PDE7B: variants seen among roughly 807,000 people sequenced by gnomAD.
The protein encoded by PDE7B is 3',5'-cyclic-AMP phosphodiesterase 7B.
A neutral mutation model predicts 56.2 loss-of-function variants in PDE7B; 29 were observed. The observed-to-expected ratio is 0.52, with a 90% CI of 0.38 to 0.70. The LOEUF (loss-of-function observed/expected upper bound fraction) is 0.70. Among genes scored for constraint, PDE7B ranks in the 30% least tolerant of loss-of-function variants. The pLI, the probability that PDE7B is intolerant of heterozygous loss-of-function variation, is 0.00. For missense variants in PDE7B, 490 were observed against 565.0 expected (o/e 0.87, Z 1.35); for synonymous variants, 197 against 196.9 (o/e 1.00, Z 0.00).
intron 5 of PDE7B, among the ~76,000 whole-genome samples, chr6:136,150,669 A>C (rs1048726740): frequency 6.6e-6 from 1 of 152,224 alleles, no homozygotes; most frequent in African/African-American, 2.4e-5. Flanking sequence ...TGCTGACTTG[A>C]ATTCTAAAAT....
At chr6:136,090,539 G>A (rs143443371) in intron 2 of PDE7B, among the ~76,000 whole-genome samples, 36 of 152,200 alleles carry the variant, frequency 2.4e-4, no homozygotes, top group Admixed American at 5.2e-4. Flanking sequence ...TAATGTCATC[G>A]ATAAATATTT....
intron 2 of PDE7B, among the ~76,000 whole-genome samples, chr6:135,964,100 T>C (rs1397799580): frequency 1.3e-5 from 2 of 149,948 alleles, no homozygotes; most frequent in Admixed American, 1.3e-4. Flanking sequence ...TTTTCTGGGT[T>C]TTTTTTTTCT....
chr6:136,142,393 A>G (rs913596924), intron 3 of PDE7B, among the ~76,000 whole-genome samples: 3 of 152,102 alleles, frequency 2.0e-5, no homozygotes, highest in African/African-American at 7.2e-5. Context: ...TGAATTTTGG[A>G]ATAGGTGTGG....
chr6:135,898,973 G>A (rs7760469), intron 1 of PDE7B, among the ~76,000 whole-genome samples: 15,152 of 152,070 alleles, frequency 0.1, 1,632 homozygotes, highest in African/African-American at 0.27. Flanking sequence ...TGAGGGGGGC[G>A]CCAGGTGGAG....
intron 2 of PDE7B, among the ~76,000 whole-genome samples, chr6:136,058,475 A>G (rs951194284): frequency 6.6e-6 from 1 of 152,178 alleles, no homozygotes; most frequent in East Asian, 1.9e-4. Context: ...TTCAGTAGCA[A>G]AGCAGAAACA....
intron 1 of PDE7B, among the ~76,000 whole-genome samples, chr6:135,919,477 C>T (rs919596879): frequency 2.6e-5 from 4 of 152,158 alleles, no homozygotes; most frequent in Admixed American, 2.0e-4. Flanking sequence ...CACTGTGAAT[C>T]GCTCTATTAG....
intron 3 of PDE7B, among the ~76,000 whole-genome samples, chr6:136,109,306 TC>T (rs1777706779): frequency 6.6e-6 from 1 of 152,190 alleles, no homozygotes; most frequent in Non-Finnish European, 1.5e-5. Context: ...ACCACTGCCT[TC>T]CAGCATGTCT....
At chr6:136,047,190 C>T (rs531515188) in intron 2 of PDE7B, 3 of 152,302 alleles carry the variant, frequency 2.0e-5, no homozygotes, top group Non-Finnish European at 4.4e-5. Context: ...TCTCTACTAC[C>T]ACTCTTTCTC....
chr6:136,060,301 A>AT (rs1776815044), intron 2 of PDE7B, among the ~76,000 whole-genome samples: 1 of 151,726 alleles, frequency 6.6e-6, no homozygotes, highest in Non-Finnish European at 1.5e-5. Context: ...TTGATTTGTT[A>AT]TTTTTTCCTC....
chr6:136,073,727 C>G (rs1013021), intron 2 of PDE7B, among the ~76,000 whole-genome samples: 58,891 of 152,068 alleles, frequency 0.39, 11,489 homozygotes, highest in South Asian at 0.5. Context: ...GGGACACACT[C>G]TAGCCCATAA....
At chr6:136,126,908 TC>T (rs1381182071) in intron 3 of PDE7B, among the ~76,000 whole-genome samples, 1 of 152,136 alleles carries the variant, frequency 6.6e-6, no homozygotes, top group Non-Finnish European at 1.5e-5. Context: ...AAGAAATTAC[TC>T]ATGTAACCAA....
chr6:135,959,121 G>A (rs1774853232), intron 2 of PDE7B, among the ~76,000 whole-genome samples: 1 of 152,062 alleles, frequency 6.6e-6, no homozygotes, highest in African/African-American at 2.4e-5. Flanking sequence ...GATTCTGGGA[G>A]CTCTAGTTCT....
At chr6:136,158,700 A>G (rs948283171) in intron 8 of PDE7B, among the ~76,000 whole-genome samples, 2 of 152,214 alleles carry the variant, frequency 1.3e-5, no homozygotes, top group African/African-American at 4.8e-5. Context: ...TGAACTGCCA[A>G]CCAAGTTCAA....
chr6:135,952,866 G>C (rs933468741), intron 2 of PDE7B, among the ~76,000 whole-genome samples: 2 of 152,160 alleles, frequency 1.3e-5, no homozygotes, highest in Non-Finnish European at 2.9e-5. Context: ...AGATAAAAGA[G>C]AGTTCTGGTC....
intron 6 of PDE7B, among the ~76,000 whole-genome samples, chr6:136,152,587 C>T (rs1778538850): frequency 6.6e-6 from 1 of 152,186 alleles, no homozygotes; most frequent in Non-Finnish European, 1.5e-5. Flanking sequence ...TCCATCATTA[C>T]TCTGTATCAA....
At chr6:135,864,302 A>G (rs189902445) in intron 1 of PDE7B, among the ~76,000 whole-genome samples, 2 of 152,206 alleles carry the variant, frequency 1.3e-5, no homozygotes, top group East Asian at 3.9e-4. Flanking sequence ...TTGAATAATT[A>G]TATATTATTA....
chr6:135,955,867 C>G (rs940095952), intron 2 of PDE7B, among the ~76,000 whole-genome samples: 1 of 152,114 alleles, frequency 6.6e-6, no homozygotes, highest in African/African-American at 2.4e-5. Flanking sequence ...TGCCCTGTCC[C>G]GCAAAGAAGA....
At chr6:135,877,471 G>A (rs1775520165) in intron 1 of PDE7B, among the ~76,000 whole-genome samples, 2 of 150,978 alleles carry the variant, frequency 1.3e-5, no homozygotes, top group South Asian at 4.2e-4. Flanking sequence ...TCCCATCCTG[G>A]GATGACAGAA....
intron 2 of PDE7B, chr6:136,096,415 G>A (rs1777471973): frequency 6.7e-6 from 1 of 148,418 alleles, no homozygotes. Context: ...GATCTACTTG[G>A]TATTTTATCT....
Sources: gnomAD v4.1 joint callset for allele counts (sites outside exome capture counted in the v4.1 genomes callset) on GRCh38, gnomAD v4.1.1 for gene constraint, MANE v1.5 for transcripts, NCBI Gene and HGNC (gene_info 2026-07-23, HGNC 2026-07-21) for gene names.